Variants in NXPE1 observed in about 807,000 individuals in gnomAD.
The protein encoded by NXPE1 is neurexophilin and PC-esterase domain family member 1.
Under a neutral mutation model 33.3 loss-of-function variants are expected in NXPE1, and 31 were observed. That is an observed-to-expected ratio of 0.93 (90% CI 0.70 to 1.26). The LOEUF is 1.26. Among genes scored for constraint, NXPE1 ranks in the 50% most tolerant of loss-of-function variants. The pLI is 0.00. For missense variants in NXPE1, 661 were observed against 655.6 expected (o/e 1.01, Z -0.09); for synonymous variants, 229 against 231.4 (o/e 0.99, Z 0.09).
At chr11:114,533,398 G>A (rs1245423792) in intron 5 of NXPE1, among the ~76,000 whole-genome samples, 1 of 152,180 alleles carries the variant, frequency 6.6e-6, no homozygotes, top group Non-Finnish European at 1.5e-5. Flanking sequence ...TTCCAACTGA[G>A]GTACTTGGTT....
intron 5 of NXPE1, among the ~76,000 whole-genome samples, chr11:114,533,031 T>C (rs576847782): frequency 8.7e-4 from 133 of 152,354 alleles, no homozygotes; most frequent in African/African-American, 3.0e-3. Context: ...GAGGCAAGGA[T>C]GTTAGCCACA....
exon 4 of NXPE1, chr11:114,551,400 T>C (rs939456114): frequency 1.5e-6 from 2 of 1,345,106 alleles, no homozygotes; most frequent in Non-Finnish European, 1.9e-6. Flanking sequence ...ATACTTCTTG[T>C]CGAGGTTTCA....
At chr11:114,522,396 C>G in exon 9 of NXPE1, 2 of 1,613,948 alleles carry the variant, frequency 1.2e-6, no homozygotes, top group Non-Finnish European at 1.7e-6. Flanking sequence ...TGGAAAGTGA[C>G]GAAGGGATAG....
chr11:114,547,913 A>G (rs1948336606), intron 5 of NXPE1, among the ~76,000 whole-genome samples: 1 of 152,206 alleles, frequency 6.6e-6, no homozygotes, highest in South Asian at 2.1e-4. Context: ...GGTACAGGGT[A>G]TAGAAGAACT....
At chr11:114,544,464 G>A (rs1948208008) in intron 5 of NXPE1, among the ~76,000 whole-genome samples, 1 of 152,118 alleles carries the variant, frequency 6.6e-6, no homozygotes, top group Admixed American at 6.5e-5. Flanking sequence ...AGGCACAAAG[G>A]CAATTTGATG....
At chr11:114,535,694 C>T (rs1218320180) in intron 5 of NXPE1, among the ~76,000 whole-genome samples, 1 of 152,132 alleles carries the variant, frequency 6.6e-6, no homozygotes, top group Admixed American at 6.5e-5. Flanking sequence ...AAGGCCATTA[C>T]ATAATGGTAA....
In NXPE1 at chr11:114,539,103, A is replaced by G. The variant is rs1469628888; in HGVS notation, c.100-8195T>C. Among the ~76,000 whole-genome samples the G allele has an allele frequency of 1.2e-4, 18 of 152,378 alleles. No individual in the cohort carries two copies. In the East Asian group the frequency reaches 3.5e-3, roughly 29 times the overall value. On this transcript the variant is annotated intron_variant, in intron 5 of 8. Transcript: ENST00000534921. The stretch of plus-strand genomic sequence containing the variant: ...TATACACATGGAATACTATGCAGCC[A>G]TAAAAAATAATGAGTTCCTGTCCTT...
At chr11:114,553,971 T>C (rs1322315057) in intron 1 of NXPE1, 2 of 985,462 alleles carry the variant, frequency 2.0e-6, no homozygotes, top group Non-Finnish European at 2.4e-6. Context: ...CCCCTGCTCA[T>C]AGGAATCTCA....
chr11:114,534,649 A>G (rs1356934580), intron 5 of NXPE1, among the ~76,000 whole-genome samples: 1 of 152,264 alleles, frequency 6.6e-6, no homozygotes, highest in African/African-American at 2.4e-5. Flanking sequence ...CACAAGCTTC[A>G]GTAACCGATG....
chr11:114,558,015 A>G (rs1397785130), intron 1 of NXPE1, among the ~76,000 whole-genome samples: 1 of 151,946 alleles, frequency 6.6e-6, no homozygotes, highest in Non-Finnish European at 1.5e-5. Flanking sequence ...CTTTCTCTCT[A>G]GAATCTAGAT....
At chr11:114,557,127 C>T (rs1468306957) in intron 1 of NXPE1, among the ~76,000 whole-genome samples, 1 of 152,164 alleles carries the variant, frequency 6.6e-6, no homozygotes, top group African/African-American at 2.4e-5. Context: ...TTCCTGACCT[C>T]AAGTAATCTG....
intron 5 of NXPE1, among the ~76,000 whole-genome samples, chr11:114,534,903 A>T (rs11215039): frequency 0.23 from 34,446 of 152,132 alleles, 5,490 homozygotes; most frequent in African/African-American, 0.44. Context: ...AAGGCAGGCC[A>T]ACATTCAAAT....
At chr11:114,546,061 T>TTTTAACTGTATTACAAA (rs1948272200) in intron 5 of NXPE1, among the ~76,000 whole-genome samples, 1 of 152,194 alleles carries the variant, frequency 6.6e-6, no homozygotes, top group Non-Finnish European at 1.5e-5. Flanking sequence ...GAACACAGTG[T>TTTTAACTGTATTACAAA]TTTAACTGTA....
chr11:114,519,073 C>T (rs1947145883), downstream of NXPE1, among the ~76,000 whole-genome samples: 1 of 152,136 alleles, frequency 6.6e-6, no homozygotes, highest in South Asian at 2.1e-4. Context: ...ACCAGAATGT[C>T]TAGGCATAAT....
chr11:114,557,026 G>A (rs553409022), intron 1 of NXPE1, among the ~76,000 whole-genome samples: 13 of 151,882 alleles, frequency 8.6e-5, no homozygotes, highest in Middle Eastern at 3.4e-3. Flanking sequence ...CTGAGTAGCT[G>A]GGATTACAGG....
intron 6 of NXPE1, chr11:114,529,071 C>G: frequency 2.7e-6 from 1 of 371,144 alleles, no homozygotes; most frequent in Non-Finnish European, 4.8e-6. Flanking sequence ...GGTGCCTACT[C>G]TTAGCATATT....
chr11:114,533,864 G>A (rs554928007), intron 5 of NXPE1, among the ~76,000 whole-genome samples: 15 of 152,330 alleles, frequency 9.8e-5, no homozygotes, highest in African/African-American at 3.6e-4. Flanking sequence ...TGGGGGCAGG[G>A]CACAGACAAA....
chr11:114,548,820 G>T (rs1429289898), intron 5 of NXPE1, among the ~76,000 whole-genome samples: 1 of 151,646 alleles, frequency 6.6e-6, no homozygotes, highest in Non-Finnish European at 1.5e-5. Context: ...CAAAAGTAAT[G>T]CATTAAAATA....
At chr11:114,545,517 G>A (rs1215981969) in intron 5 of NXPE1, among the ~76,000 whole-genome samples, 2 of 152,132 alleles carry the variant, frequency 1.3e-5, no homozygotes, top group Admixed American at 6.6e-5. Context: ...GAAAAAGGTG[G>A]TTCTATAGAG....
Sources: allele counts gnomAD v4.1 joint callset (sites outside exome capture counted in the v4.1 genomes callset), GRCh38; gene constraint gnomAD v4.1.1; transcripts MANE v1.5; gene names NCBI Gene and HGNC (gene_info 2026-07-23, HGNC 2026-07-21).